The following RRBP1 variants were observed in gnomAD, a reference collection of about 807,000 sequenced individuals.
RRBP1 encodes the protein ribosome-binding protein 1.
Under a neutral mutation model 165.2 loss-of-function variants are expected in RRBP1, and 94 were observed. The observed-to-expected ratio is 0.57, with a 90% CI of 0.48 to 0.68. The LOEUF is 0.68. RRBP1 is among the 30% of genes least tolerant of loss of function. The pLI is 0.00. For missense variants in RRBP1, 1,676 were observed against 1,763.0 expected (o/e 0.95, Z 0.88); for synonymous variants, 680 against 714.5 (o/e 0.95, Z 0.77).
rs2036725714 is a variant in RRBP1 at position 17,659,822 on chromosome 20, C to T, written c.686G>A (p.Gly229Asp). The change falls in exon 3 of 25, where the codon GGC becomes GAC. Residue 229 changes from glycine (G) to aspartate (D), a missense_variant. Physicochemically the swap from Gly to Asp is moderately conservative, Grantham distance 94. Around this residue, in one of 5 missense-constraint regions of RRBP1, gnomAD observed 392 missense variants for 382.5 expected, o/e 1.02. Transcript: ENST00000377813. ...GRKAEGTPNQ[G>D]KKTEGTPNQG... ...GTTTGGGGTTCCCTCTGTCTTTTTG[C>T]CCTGGTTTGGGGTTCCCTCTGCCTT... 3 of 1,550,946 alleles carry T rather than the reference C, an allele frequency of 1.9e-6. No individual in the cohort carries two copies. The highest frequency in any genetic ancestry group is 2.0e-5 in the Admixed American group (1 of 50,978).
At chr20:17,680,964 A>C (rs903502135) in intron 1 of RRBP1, among the ~76,000 whole-genome samples, 5 of 152,256 alleles carry the variant, frequency 3.3e-5, no homozygotes, top group African/African-American at 7.2e-5. Flanking sequence ...CACCCTCGCC[A>C]GCCGGGGCAC....
At chr20:17,617,700 G>A (rs1040498366) in intron 20 of RRBP1, among the ~76,000 whole-genome samples, 1 of 152,248 alleles carries the variant, frequency 6.6e-6, no homozygotes, top group Admixed American at 6.5e-5. Context: ...CTGCCCTCTG[G>A]TGTTCTGGTC....
intron 3 of RRBP1, among the ~76,000 whole-genome samples, chr20:17,648,169 C>T (rs544639732): frequency 2.0e-5 from 3 of 152,302 alleles, no homozygotes; most frequent in African/African-American, 4.8e-5. Context: ...CGAGGTGGGA[C>T]GCAAGACGCT....
In RRBP1 at chr20:17,619,639, C is replaced by T; in HGVS notation, c.3669G>A (p.Val1223=). The change falls in exon 19 of 25, where the codon GTG becomes GTA. Residue 1223 remains valine, a synonymous_variant. Coordinates refer to ENST00000377813, the MANE Select transcript of RRBP1 (RefSeq NM_001365613.2). ...SAECQNYAKE[V]AGLRQLLLES... Reference sequence around the variant, plus strand: ...CCTTGGGGGGCAGACTCACCCCTGCCACCTCCTTGGCGTAGTTCTGGCACT... The same window carrying T: ...CCTTGGGGGGCAGACTCACCCCTGCTACCTCCTTGGCGTAGTTCTGGCACT... 1 of 1,610,984 alleles carries T rather than the reference C, an allele frequency of 6.2e-7. No homozygotes were observed. The highest frequency in any genetic ancestry group is 1.1e-5 in the South Asian group (1 of 90,764).
chr20:17,641,830 A>G lies in RRBP1; in HGVS notation c.2151T>C (p.Ala717=), dbSNP rs768387076. Residue 717 remains alanine (A), a synonymous_variant, in exon 5 of 25, where the codon GCT becomes GCC. Transcript: ENST00000377813. ...KLLATEQEDA[A]VAKSKLRELN... ...GCTCCCTCAGTTTGCTCTTGGCGACAGCCGCATCTTCCTGTTCTGTGGCCA... is the reference window on the plus strand; with the variant it reads ...GCTCCCTCAGTTTGCTCTTGGCGACGGCCGCATCTTCCTGTTCTGTGGCCA... The G allele has an allele frequency of 1.9e-6, 3 of 1,613,644 alleles. No individual in the cohort carries two copies. Among genetic ancestry groups the G allele is most frequent in the East Asian group, 4.5e-5 (2 of 44,896 alleles).
chr20:17,624,960 A>G (rs2035988816), intron 12 of RRBP1, among the ~76,000 whole-genome samples: 1 of 152,182 alleles, frequency 6.6e-6, no homozygotes, highest in South Asian at 2.1e-4. Flanking sequence ...GTGTCCTCAA[A>G]GGGAAGAGGT....
chr20:17,653,568 G>A (rs1245837805), intron 3 of RRBP1, among the ~76,000 whole-genome samples: 1 of 152,230 alleles, frequency 6.6e-6, no homozygotes, highest in Non-Finnish European at 1.5e-5. Context: ...AGGCGCGGTG[G>A]CTCACGCCTA....
In RRBP1 at chr20:17,643,585, T is replaced by C. The variant is rs868458566; in HGVS notation, c.1913-458A>G. ...TGTGGGACCTGACTGGGCAGCGAAT[T>C]TACCGTCCACCACACACAGACACCC... On this transcript the variant is annotated intron_variant, in intron 3 of 24. Coordinates refer to ENST00000377813, the MANE Select transcript of RRBP1 (RefSeq NM_001365613.2). This position sits in a 1 kb window ranked among gnomAD's most constrained non-coding sequence, Gnocchi z 4.3. 3.9e-5 allele frequency among the ~76,000 whole-genome samples: 6 copies of C among 152,102 alleles called. No individual in the cohort carries two copies. Among genetic ancestry groups the C allele is most frequent in the Middle Eastern group, 3.4e-3 (1 of 294 alleles).
At position 17,629,804 on chromosome 20, in the gene RRBP1, C is replaced by T. The variant is rs1408606013; in HGVS notation, c.2749+19G>A. ...AGCACCCTGCACTGAACCCCCGGCC[C>T]CACTGCCGCCGCCCTTACCGGCCAT... On this transcript the variant is annotated intron_variant, in intron 9 of 24. Coordinates refer to ENST00000377813, the MANE Select transcript of RRBP1 (RefSeq NM_001365613.2). The T allele has an allele frequency of 1.3e-6, 2 of 1,586,898 alleles. No homozygotes were observed. The highest frequency in any genetic ancestry group is 2.2e-5 in the East Asian group (1 of 44,708).
chr20:17,622,419 G>C (rs115261224), intron 13 of RRBP1, among the ~76,000 whole-genome samples: 3,905 of 152,192 alleles, frequency 0.026, 156 homozygotes, highest in African/African-American at 0.089. Context: ...TGAAGGCAGG[G>C]AAGCAGTGCG....
chr20:17,618,088 G>T (rs1005972692), intron 20 of RRBP1, among the ~76,000 whole-genome samples: 6 of 152,232 alleles, frequency 3.9e-5, no homozygotes, highest in Non-Finnish European at 8.8e-5. Flanking sequence ...CTGGTATGGG[G>T]CCGGGCGTGG....
intron 22 of RRBP1, 93 bp from the exon 23 acceptor site, chr20:17,615,622 C>G (rs562689972): frequency 3.0e-6 from 3 of 997,844 alleles, no homozygotes; most frequent in Admixed American, 3.1e-5. Flanking sequence ...ACCAGGGGGC[C>G]CCCCCAGCCT....
Position 17,660,542 on chromosome 20 carries a change from A to G in RRBP1, c.-21-14T>C. On this transcript the variant is annotated splice_polypyrimidine_tract_variant and intron_variant, in intron 2 of 24. Transcript: ENST00000377813. ...CTTTCCTTTCACCTGTCAAACATAC[A>G]TGGAGGTTACTATTTATAGAAATCA... 1 of 1,470,938 alleles carries G rather than the reference A, an allele frequency of 6.8e-7. No homozygotes were observed. The highest frequency in any genetic ancestry group is 9.4e-7 in the Non-Finnish European group (1 of 1,060,850). 91.1% of individuals were successfully genotyped at this position (1,470,938 alleles called of 1,614,324 possible). A position where few individuals can be genotyped will look rare whatever the true frequency, so the allele number is the denominator to read the frequency against.
intron 1 of RRBP1, among the ~76,000 whole-genome samples, chr20:17,680,369 A>G (rs1299581294): frequency 6.6e-6 from 1 of 152,090 alleles, no homozygotes; most frequent in Non-Finnish European, 1.5e-5. Context: ...CTAATGTGAG[A>G]TATGAGGCCC....
chr20:17,673,462 G>A (rs1243751183), intron 2 of RRBP1, among the ~76,000 whole-genome samples: 1 of 152,174 alleles, frequency 6.6e-6, no homozygotes, highest in Non-Finnish European at 1.5e-5. Context: ...AGGCTGGAGT[G>A]CAGTGGTACG....
rs548540065 is a variant in RRBP1 at position 17,644,164 on chromosome 20, G to A, written c.1913-1037C>T. On this transcript the variant is annotated intron_variant, in intron 3 of 24. Transcript: ENST00000377813. ...CATTACAAGTCAAAGCATTTGGCAC[G>A]ATACCTTAATGAGGGGAACGTGGGA... Among the ~76,000 whole-genome samples, 9 of 152,232 alleles carry A rather than the reference G, an allele frequency of 5.9e-5. 1 individual carries two copies. The highest frequency in any genetic ancestry group is 1.9e-4 in the African/African-American group (8 of 41,530).
Position 17,635,563 on chromosome 20 carries a change from C to A in RRBP1, c.2439G>T (p.Thr813=), listed in dbSNP as rs574071853. ...SILRDALNQA[T]SQVESKQNAE... ...CAGCTTACTTGCTCTCCACCTGGCTCGTGGCCTGGTTCAAGGCATCCCGCA... is the reference window on the plus strand; with the variant it reads ...CAGCTTACTTGCTCTCCACCTGGCTAGTGGCCTGGTTCAAGGCATCCCGCA... Residue 813 remains threonine, a synonymous_variant, in exon 7 of 25, where the codon ACG becomes ACT. Coordinates refer to ENST00000377813, the MANE Select transcript of RRBP1 (RefSeq NM_001365613.2). 6.2e-7 allele frequency: 1 copy of A among 1,611,692 alleles called. No homozygotes were observed. The highest frequency in any genetic ancestry group is 2.2e-5 in the East Asian group (1 of 44,852).
In RRBP1 at chr20:17,620,402, C is replaced by T. The variant is rs201959919; in HGVS notation, c.3508-32G>A. The stretch of plus-strand genomic sequence containing the variant: ...AGCAAGGGGAAGGCTCCGTCAGACA[C>T]GAGCACCTGGGGGTGTCTCCTTCCG... On this transcript the variant is annotated intron_variant, in intron 17 of 24. Coordinates refer to ENST00000377813, the MANE Select transcript of RRBP1 (RefSeq NM_001365613.2). 282 of 1,582,090 alleles carry T rather than the reference C, an allele frequency of 1.8e-4. No individual in the cohort carries two copies. The African/African-American group carries it at 3.1e-3, about 17-fold the overall frequency.
chr20:17,656,038 G>A (rs866662833), intron 3 of RRBP1, among the ~76,000 whole-genome samples: 4 of 152,176 alleles, frequency 2.6e-5, no homozygotes, highest in Non-Finnish European at 4.4e-5. Flanking sequence ...ACTTCAGGAG[G>A]GGACGTCTCC....
Sources: allele counts gnomAD v4.1 joint callset (sites outside exome capture counted in the v4.1 genomes callset), GRCh38; gene constraint gnomAD v4.1.1; regional missense constraint gnomAD v4.1.1; non-coding constraint Gnocchi (gnomAD v3.1); transcripts MANE v1.5; gene names NCBI Gene and HGNC (gene_info 2026-07-23, HGNC 2026-07-21).